The following EDC3 variants were observed in gnomAD, a reference collection of about 807,000 sequenced individuals.
EDC3 encodes enhancer of mRNA decapping 3.
Under a neutral mutation model 41.8 loss-of-function variants are expected in EDC3, and 20 were observed. That is an observed-to-expected ratio of 0.48 (90% CI 0.34 to 0.70). The LOEUF is 0.70. Among genes scored for constraint, EDC3 ranks in the 30% least tolerant of loss-of-function variants. The pLI is 0.01. For missense variants in EDC3, 444 were observed against 636.8 expected (o/e 0.70, Z 3.26); for synonymous variants, 206 against 243.2 (o/e 0.85, Z 1.42).
intron 1 of EDC3, among the ~76,000 whole-genome samples, chr15:74,692,430 A>C (rs374507514): frequency 6.6e-6 from 1 of 152,240 alleles, no homozygotes; most frequent in East Asian, 1.9e-4. Context: ...ATTCTATGAA[A>C]CACGTAAGAA....
intron 4 of EDC3, among the ~76,000 whole-genome samples, chr15:74,653,771 G>C (rs1313617916): frequency 6.6e-6 from 1 of 152,196 alleles, no homozygotes; most frequent in East Asian, 1.9e-4. Context: ...AACAAAAGAA[G>C]TGTGAAGATC....
intron 1 of EDC3, among the ~76,000 whole-genome samples, chr15:74,693,950 TC>T (rs1327591256): frequency 6.6e-6 from 1 of 151,616 alleles, no homozygotes; most frequent in Non-Finnish European, 1.5e-5. Context: ...ACCACTGCAC[TC>T]CGTCCAACCT....
chr15:74,681,534 T>A (rs1014283853), intron 1 of EDC3, among the ~76,000 whole-genome samples: 1 of 151,204 alleles, frequency 6.6e-6, no homozygotes, highest in Non-Finnish European at 1.5e-5. Context: ...CAAGACTATA[T>A]AGTATTGGCA....
intron 3 of EDC3, among the ~76,000 whole-genome samples, chr15:74,670,586 C>A (rs1266137638): frequency 6.6e-6 from 1 of 152,092 alleles, no homozygotes. Flanking sequence ...TGCACCTCCA[C>A]GTCCGGATAA....
intron 3 of EDC3, among the ~76,000 whole-genome samples, chr15:74,666,506 G>C (rs967537603): frequency 6.6e-6 from 1 of 152,194 alleles, no homozygotes; most frequent in East Asian, 1.9e-4. Context: ...AACATTATCC[G>C]TCAATTAAAG....
Position 74,655,812 on chromosome 15 carries a change from A to G in EDC3, c.741T>C (p.Asp247=). The change falls in exon 4 of 7, where the codon GAT becomes GAC. Residue 247 remains aspartate (D), a synonymous_variant. Transcript: ENST00000315127. ...PNERPTRYRH[D]ENILESEPIV... Reference sequence around the variant, plus strand: ...TGGGCTCGGACTCCAAGATGTTCTCATCATGGCGGTACCGAGTGGGCCTTT... The same window carrying G: ...TGGGCTCGGACTCCAAGATGTTCTCGTCATGGCGGTACCGAGTGGGCCTTT... The G allele has an allele frequency of 6.2e-7, 1 of 1,613,920 alleles. No individual in the cohort carries two copies. Among genetic ancestry groups the G allele is most frequent in the Non-Finnish European group, 8.5e-7 (1 of 1,179,820 alleles).
At chr15:74,680,325 G>T (rs981826184) in intron 1 of EDC3, among the ~76,000 whole-genome samples, 3 of 149,894 alleles carry the variant, frequency 2.0e-5, no homozygotes, top group African/African-American at 7.4e-5. Context: ...TTCCAAGGAT[G>T]CAATGCTGAC....
At position 74,632,538 on chromosome 15, in the gene EDC3, A is replaced by G; in HGVS notation, c.*74T>C. 6.6e-7 allele frequency: 1 copy of G among 1,516,762 alleles called. No individual in the cohort carries two copies. 94.0% of individuals were successfully genotyped at this position (1,516,762 alleles called of 1,614,324 possible). ...AGAAAAAACTTTAACAAGGTCCATG[A>G]AGCTTCATATCCTTAAGGCGTTTGT... On this transcript the variant is annotated 3_prime_UTR_variant, in exon 7 of 7. Coordinates refer to ENST00000315127, the MANE Select transcript of EDC3 (RefSeq NM_025083.5). This position sits in a 1 kb window ranked among gnomAD's most constrained non-coding sequence, Gnocchi z 4.0.
intron 1 of EDC3, among the ~76,000 whole-genome samples, chr15:74,685,444 G>A (rs1009804971): frequency 2.6e-5 from 4 of 152,104 alleles, no homozygotes; most frequent in Admixed American, 2.6e-4. Flanking sequence ...TAGTGTGTGT[G>A]TCACCCCACT....
intron 6 of EDC3, among the ~76,000 whole-genome samples, chr15:74,633,630 G>A (rs930891288): frequency 6.6e-6 from 1 of 152,232 alleles, no homozygotes; most frequent in Non-Finnish European, 1.5e-5. Flanking sequence ...CAACAAGTAT[G>A]TAGATCCTGT....
chr15:74,693,280 T>C (rs2063028761), intron 1 of EDC3, among the ~76,000 whole-genome samples: 1 of 152,242 alleles, frequency 6.6e-6, no homozygotes, highest in Admixed American at 6.5e-5. Flanking sequence ...ATCACATCTT[T>C]TTATTATAGA....
At chr15:74,661,341 A>T (rs2062617570) in intron 3 of EDC3, among the ~76,000 whole-genome samples, 1 of 152,158 alleles carries the variant, frequency 6.6e-6, no homozygotes, top group East Asian at 1.9e-4. Flanking sequence ...ACTTCACCCT[A>T]AGTATATACT....
chr15:74,664,201 C>T (rs1478631686), intron 3 of EDC3, among the ~76,000 whole-genome samples: 1 of 152,224 alleles, frequency 6.6e-6, no homozygotes, highest in Non-Finnish European at 1.5e-5. Flanking sequence ...TCAGTTGTCT[C>T]TTATTCTTCC....
At chr15:74,645,044 C>A (rs1179699122) in intron 4 of EDC3, 1 of 152,132 alleles carries the variant, frequency 6.6e-6, no homozygotes, top group African/African-American at 2.4e-5. Flanking sequence ...CAAAAGGAAA[C>A]AAACAATACA....
intron 2 of EDC3, chr15:74,674,713 A>T: frequency 2.2e-6 from 1 of 451,062 alleles, no homozygotes; most frequent in Non-Finnish European, 4.1e-6. Flanking sequence ...TCGGAATGCA[A>T]AGAGGAAATA....
rs1351899131 is a variant in EDC3 at position 74,635,712 on chromosome 15, T to C, written c.975-86A>G. On this transcript the variant is annotated intron_variant, in intron 5 of 6. Coordinates refer to ENST00000315127, the MANE Select transcript of EDC3 (RefSeq NM_025083.5). ...ACCAGACAATTGCCTGTAGCACCTA[T>C]TGGTCTCAGATCTCTTACCCACTGC... 6.3e-6 allele frequency: 8 copies of C among 1,261,618 alleles called. No homozygotes were observed. The African/African-American group carries it at 1.0e-4, about 16-fold the overall frequency. 78.2% of individuals were successfully genotyped at this position (1,261,618 alleles called of 1,614,324 possible). A position where few individuals can be genotyped will look rare whatever the true frequency, so the allele number is the denominator to read the frequency against.
chr15:74,695,550 A>C (rs1052824690), intron 1 of EDC3: 2 of 152,162 alleles, frequency 1.3e-5, no homozygotes, highest in African/African-American at 4.8e-5. Flanking sequence ...TGCAAAGGGA[A>C]ACTGAGGCAC....
chr15:74,643,936 A>G (rs541484173), intron 4 of EDC3: 4 of 152,278 alleles, frequency 2.6e-5, no homozygotes, highest in African/African-American at 9.6e-5. Flanking sequence ...CTTCTGTGGC[A>G]GTCAACAAAA....
intron 4 of EDC3, among the ~76,000 whole-genome samples, chr15:74,651,040 C>T (rs1225286191): frequency 6.6e-6 from 1 of 152,094 alleles, no homozygotes; most frequent in Non-Finnish European, 1.5e-5. Context: ...AAAAAAGAAT[C>T]TTATGAGTGT....
Sources: allele counts gnomAD v4.1 joint callset (sites outside exome capture counted in the v4.1 genomes callset), GRCh38; gene constraint gnomAD v4.1.1; non-coding constraint Gnocchi (gnomAD v3.1); transcripts MANE v1.5; gene names NCBI Gene and HGNC (gene_info 2026-07-23, HGNC 2026-07-21).